Variants in NEBL observed in about 807,000 individuals in gnomAD.
NEBL encodes the protein LIM and SH3 protein 2.
In NEBL, 122 loss-of-function variants were observed where a neutral mutation model predicts 140.2. The observed-to-expected ratio is 0.87, with a 90% CI of 0.75 to 1.01. The LOEUF is 1.01. Ranked by LOEUF, NEBL falls within the 50% of genes least tolerant of loss-of-function variation. NEBL has a pLI of 0.00. For missense variants in NEBL, 1,365 were observed against 1,231.3 expected (o/e 1.11, Z -1.62); for synonymous variants, 436 against 398.9 (o/e 1.09, Z -1.11).
chr10:20,830,196 A>G (rs1350865928), intron 16 of NEBL, among the ~76,000 whole-genome samples: 1 of 152,212 alleles, frequency 6.6e-6, no homozygotes, highest in East Asian at 1.9e-4. Flanking sequence ...GTGGATGGTT[A>G]ATGTCCTTGC....
At chr10:21,214,781 A>C (rs538208265) in intron 3 of NEBL, among the ~76,000 whole-genome samples, 106 of 152,364 alleles carry the variant, frequency 7.0e-4, no homozygotes, top group African/African-American at 2.5e-3. Flanking sequence ...AATCACTTTT[A>C]ATTGAAGCTC....
intron 2 of NEBL, among the ~76,000 whole-genome samples, chr10:21,248,391 A>G (rs1470313264): frequency 6.6e-6 from 1 of 152,082 alleles, no homozygotes; most frequent in African/African-American, 2.4e-5. Flanking sequence ...GAAGAAATGT[A>G]TTTAAAAAAA....
intron 2 of NEBL, chr10:21,146,511 T>C: frequency 6.2e-7 from 1 of 1,606,052 alleles, no homozygotes; most frequent in Non-Finnish European, 8.5e-7. Flanking sequence ...TTAGCCATCC[T>C]ACTCCTGCAT....
At chr10:21,138,201 G>C (rs564281462) in intron 2 of NEBL, among the ~76,000 whole-genome samples, 8 of 152,226 alleles carry the variant, frequency 5.3e-5, no homozygotes, top group African/African-American at 1.9e-4. Context: ...GGACAGCACT[G>C]TCCCAACTCA....
chr10:20,938,714 T>C (rs1308192959), intron 4 of NEBL, among the ~76,000 whole-genome samples: 1 of 152,040 alleles, frequency 6.6e-6, no homozygotes, highest in Non-Finnish European at 1.5e-5. Flanking sequence ...AATGGCTAAC[T>C]AGAATAACCA....
Position 20,818,778 on chromosome 10 carries a change from A to AAC in NEBL, c.2055+644_2055+645dup, listed in dbSNP as rs1427352077. 8.1e-6 allele frequency: 8 copies of AAC among 985,412 alleles called. No homozygotes were observed. In the East Asian group the frequency reaches 7.9e-4, roughly 98 times the overall value. The allele number at this position is 985,412 out of a possible 1,614,324, so 61.0% of individuals were successfully genotyped here. On this transcript the variant is annotated intron_variant, in intron 20 of 27. Transcript: ENST00000377122. ...TTAATGAAGATCTCTTGAATAAGCA[A>AAC]ACACAGCTAAGGTACAGCAACACAG...
chr10:20,919,836 A>G (rs995305074), intron 4 of NEBL, among the ~76,000 whole-genome samples: 5 of 152,218 alleles, frequency 3.3e-5, no homozygotes, highest in Admixed American at 1.3e-4. Context: ...CTACATGAAA[A>G]TAAAAATGAA....
At chr10:21,072,800 G>T (rs1835881001) in intron 2 of NEBL, among the ~76,000 whole-genome samples, 1 of 152,140 alleles carries the variant, frequency 6.6e-6, no homozygotes, top group East Asian at 1.9e-4. Context: ...AGACCAGCAT[G>T]GCCAACATGA....
In NEBL at chr10:20,840,726, T is replaced by C; in HGVS notation, c.1338+13A>G. On this transcript the variant is annotated intron_variant, in intron 13 of 27. Coordinates refer to ENST00000377122, the MANE Select transcript of NEBL (RefSeq NM_006393.3). ...AAACATATTCATCTAAGGTGTTAAA[T>C]AAACATACTCACCTCACTTGCCATT... 6.5e-7 allele frequency: 1 copy of C among 1,548,252 alleles called. No individual in the cohort carries two copies. The highest frequency in any genetic ancestry group is 8.9e-7 in the Non-Finnish European group (1 of 1,120,822).
In NEBL at chr10:21,039,066, T is replaced by G. The variant is rs1396381524; in HGVS notation, c.165-18865A>C. Among the ~76,000 whole-genome samples the G allele has an allele frequency of 3.7e-4, 12 of 32,294 alleles. 1 individual carries two copies. Among genetic ancestry groups the G allele is most frequent in the African/African-American group, 7.3e-4 (10 of 13,728 alleles). The allele number at this position is 32,294 out of a possible 152,430, so 21.2% of individuals were successfully genotyped here. On this transcript the variant is annotated intron_variant, in intron 2 of 6. Transcript: ENST00000417816. ...TCCACTTTTTGATGGGGCTGTTTTTTTTTTTTTTTTTTTTTTTTTTGTAAA... is the reference window on the plus strand; with the variant it reads ...TCCACTTTTTGATGGGGCTGTTTTTGTTTTTTTTTTTTTTTTTTTTGTAAA...
intron 5 of NEBL, among the ~76,000 whole-genome samples, chr10:20,877,982 G>A (rs2131298476): frequency 6.6e-6 from 1 of 152,234 alleles, no homozygotes; most frequent in East Asian, 1.9e-4. Flanking sequence ...TAATTTTCTT[G>A]ACATGAGACG....
chr10:21,030,436 TCA>T, intron 2 of NEBL: 2 of 655,844 alleles, frequency 3.0e-6, no homozygotes, highest in South Asian at 2.8e-5. Context: ...AGGAAGACTG[TCA>T]CTCTCCAACT....
chr10:20,816,939 G>A (rs1051773377), intron 21 of NEBL, among the ~76,000 whole-genome samples: 47 of 152,206 alleles, frequency 3.1e-4, no homozygotes, highest in Admixed American at 2.0e-3. Context: ...CGGAGGAAGC[G>A]CAAGAACAGG....
intron 2 of NEBL, among the ~76,000 whole-genome samples, chr10:21,155,192 C>T (rs1394565011): frequency 6.6e-6 from 1 of 152,072 alleles, no homozygotes; most frequent in African/African-American, 2.4e-5. Context: ...GAGCAAGACT[C>T]CCTCACACAC....
intron 3 of NEBL, among the ~76,000 whole-genome samples, chr10:21,237,350 G>A (rs922570585): frequency 6.6e-5 from 10 of 151,724 alleles, no homozygotes; most frequent in African/African-American, 2.2e-4. Context: ...GATTACAGGC[G>A]CAAGCCACCA....
intron 20 of NEBL, 23 bp downstream of exon 20, chr10:20,819,400 TA>T (rs1367831936): frequency 2.5e-6 from 4 of 1,613,530 alleles, no homozygotes; most frequent in Non-Finnish European, 3.4e-6. Context: ...TGAGAAAATA[TA>T]AAAGGAAACA....
intron 22 of NEBL, 123 bp downstream of exon 22, chr10:20,815,502 T>G: frequency 1.3e-6 from 1 of 791,094 alleles, no homozygotes; most frequent in Non-Finnish European, 2.2e-6. Flanking sequence ...ACACATGTAC[T>G]TATTGGACAC....
chr10:20,923,666 CAAAAAA>C (rs71390799), intron 4 of NEBL, among the ~76,000 whole-genome samples: 135 of 28,360 alleles, frequency 4.8e-3, no homozygotes, highest in Middle Eastern at 0.056. Flanking sequence ...GACTCCGTCT[CAAAAAA>C]AAAAAAAAAA....
intron 2 of NEBL, among the ~76,000 whole-genome samples, chr10:21,039,287 T>A (rs995928018): frequency 7.9e-5 from 12 of 152,198 alleles, no homozygotes; most frequent in African/African-American, 2.4e-4. Flanking sequence ...GTTTTAGTCA[T>A]GAAGTCTTTG....
Sources: gnomAD v4.1 joint callset for allele counts (sites outside exome capture counted in the v4.1 genomes callset) on GRCh38, gnomAD v4.1.1 for gene constraint, MANE v1.5 for transcripts, NCBI Gene and HGNC (gene_info 2026-07-23, HGNC 2026-07-21) for gene names.